Variants in XPNPEP3 observed in about 807,000 individuals in gnomAD.
XPNPEP3 encodes the protein X-prolyl aminopeptidase 3.
In XPNPEP3, 41 loss-of-function variants were observed where a neutral mutation model predicts 60.0. The ratio of observed to expected loss-of-function variants is 0.68; its 90% CI spans 0.53 to 0.89. The LOEUF (loss-of-function observed/expected upper bound fraction) is 0.89, where lower values mean the gene tolerates loss of function less well. XPNPEP3 is among the 40% of genes least tolerant of loss of function. The pLI is 0.00. For synonymous variants in XPNPEP3, 212 were observed against 223.2 expected (o/e 0.95, Z 0.45); for missense variants, 598 against 638.9 (o/e 0.94, Z 0.69).
chr22:40,876,037 A>T (rs919645410), intron 2 of XPNPEP3, among the ~76,000 whole-genome samples: 2 of 151,960 alleles, frequency 1.3e-5, no homozygotes, highest in Non-Finnish European at 2.9e-5. Context: ...AAATAAATAA[A>T]TGACATTTGT....
chr22:40,902,015 T>G (rs977522372), intron 4 of XPNPEP3, among the ~76,000 whole-genome samples: 2 of 151,908 alleles, frequency 1.3e-5, no homozygotes, highest in African/African-American at 4.8e-5. Context: ...GAATTTTATC[T>G]CAGTAAAAAA....
intron 1 of XPNPEP3, chr22:40,862,519 A>G: frequency 3.0e-6 from 3 of 985,678 alleles, no homozygotes; most frequent in Non-Finnish European, 3.6e-6. Context: ...GAAACAGTTC[A>G]GAGGGAGATA....
intron 5 of XPNPEP3, among the ~76,000 whole-genome samples, chr22:40,908,594 G>A (rs1244446249): frequency 3.3e-5 from 5 of 152,308 alleles, no homozygotes; most frequent in African/African-American, 4.8e-5. Context: ...ATCCTGGAAC[G>A]TAGTGAAATT....
intron 1 of XPNPEP3, among the ~76,000 whole-genome samples, chr22:40,864,538 C>T (rs772387841): frequency 4.6e-5 from 7 of 152,044 alleles, no homozygotes; most frequent in Admixed American, 2.6e-4. Context: ...ATCTACCTCC[C>T]GGGTTCAAGC....
chr22:40,861,347 A>G (rs2057945081), intron 1 of XPNPEP3: 2 of 1,614,136 alleles, frequency 1.2e-6, no homozygotes, highest in Non-Finnish European at 1.7e-6. Context: ...TCAACTCTCC[A>G]TTATCTTCAG....
At chr22:40,906,664 A>G (rs182339520) in intron 4 of XPNPEP3, among the ~76,000 whole-genome samples, 136 of 152,308 alleles carry the variant, frequency 8.9e-4, no homozygotes, top group Middle Eastern at 6.8e-3. Context: ...AAACGTTGCT[A>G]TAGACTAGGC....
intron 4 of XPNPEP3, among the ~76,000 whole-genome samples, chr22:40,887,582 A>G (rs2058074204): frequency 6.6e-6 from 1 of 152,146 alleles, no homozygotes; most frequent in Admixed American, 6.5e-5. Flanking sequence ...GGTCCTATCA[A>G]ATTAGAGCCC....
chr22:40,922,616 T>C, intron 8 of XPNPEP3, 103 bp downstream of exon 8: 3 of 1,394,546 alleles, frequency 2.2e-6, no homozygotes, highest in Non-Finnish European at 3.0e-6. Flanking sequence ...ACAGATGTAG[T>C]GATTCATGCC....
chr22:40,916,387 T>C (rs1311501593), intron 7 of XPNPEP3, among the ~76,000 whole-genome samples: 2 of 151,874 alleles, frequency 1.3e-5, no homozygotes, highest in Non-Finnish European at 2.9e-5. Context: ...AAGGAAGATG[T>C]AGACATAATG....
intron 1 of XPNPEP3, chr22:40,862,595 A>T (rs2057956828): frequency 1.0e-6 from 1 of 985,378 alleles, no homozygotes; most frequent in African/African-American, 1.7e-5. Flanking sequence ...CTAAACAATT[A>T]TATGAGAGAC....
intron 1 of XPNPEP3, chr22:40,861,898 C>G: frequency 6.2e-7 from 1 of 1,613,900 alleles, no homozygotes; most frequent in Non-Finnish European, 8.5e-7. Flanking sequence ...GGATTTTTAT[C>G]AGGGTGCCAT....
intron 4 of XPNPEP3, among the ~76,000 whole-genome samples, chr22:40,889,008 GT>G (rs147328963): frequency 8.4e-4 from 124 of 148,322 alleles, no homozygotes; most frequent in African/African-American, 2.5e-3. Context: ...CTTCCTAATG[GT>G]TTTTTTTTTG....
chr22:40,893,200 C>T lies in XPNPEP3; in HGVS notation c.792+6685C>T, dbSNP rs1213215803. ...ATTAATATGCAAAACAGGTTGCTTT[C>T]CCAACACAGATCCTTTTTAATAGAT... On this transcript the variant is annotated intron_variant, in intron 4 of 9. Transcript: ENST00000357137. Among the ~76,000 whole-genome samples, 5 of 146,444 alleles carry T rather than the reference C, an allele frequency of 3.4e-5. No individual in the cohort carries two copies. The Admixed American group carries it at 3.4e-4, about 10-fold the overall frequency.
chr22:40,919,526 G>A (rs144018160), intron 7 of XPNPEP3, among the ~76,000 whole-genome samples: 6,205 of 152,236 alleles, frequency 0.041, 405 homozygotes, highest in African/African-American at 0.14. Flanking sequence ...CACCATGCCT[G>A]GCTAATATTT....
At chr22:40,876,286 TC>T (rs2058027593) in intron 2 of XPNPEP3, among the ~76,000 whole-genome samples, 1 of 152,230 alleles carries the variant, frequency 6.6e-6, no homozygotes, top group African/African-American at 2.4e-5. Flanking sequence ...ATAGCGGTTG[TC>T]CATGTAAATT....
intron 4 of XPNPEP3, among the ~76,000 whole-genome samples, chr22:40,891,420 C>G (rs565062497): frequency 6.6e-6 from 1 of 151,444 alleles, no homozygotes; most frequent in African/African-American, 2.4e-5. Flanking sequence ...TTTGGGAAGC[C>G]GAGGCGGGCG....
chr22:40,874,573 G>A (rs375344701), intron 2 of XPNPEP3, among the ~76,000 whole-genome samples: 6 of 152,006 alleles, frequency 3.9e-5, no homozygotes, highest in African/African-American at 1.5e-4. Flanking sequence ...CTACAGGCAT[G>A]CACCATCATG....
chr22:40,876,990 G>A (rs764502172), intron 2 of XPNPEP3, among the ~76,000 whole-genome samples: 7 of 152,080 alleles, frequency 4.6e-5, no homozygotes, highest in Admixed American at 2.6e-4. Context: ...CATTTCCATC[G>A]TCCTGGAAAG....
rs1345579400 is a variant in XPNPEP3, at chr22:40,928,181, A to C, written c.*1746A>C. ...TCTTTGATACTAGCACTGGGAGTGC[A>C]GTGGTAAAGAGTCATACTTCTTTTT... On this transcript the variant is annotated 3_prime_UTR_variant, in exon 10 of 10. Coordinates refer to ENST00000357137, the MANE Select transcript of XPNPEP3 (RefSeq NM_022098.4). The C allele has an allele frequency of 1.3e-5, 2 of 149,832 alleles. No homozygotes were observed. The highest frequency in any genetic ancestry group is 3.0e-5 in the Non-Finnish European group (2 of 67,704). The allele number at this position is 149,832 out of a possible 1,614,324, so 9.3% of individuals were successfully genotyped here. A position where few individuals can be genotyped will look rare whatever the true frequency, so the allele number is the denominator to read the frequency against.
Sources: allele counts gnomAD v4.1 joint callset (sites outside exome capture counted in the v4.1 genomes callset), GRCh38; gene constraint gnomAD v4.1.1; transcripts MANE v1.5; gene names NCBI Gene and HGNC (gene_info 2026-07-23, HGNC 2026-07-21).